The following RYR1 variants were observed in gnomAD, a reference collection of about 807,000 sequenced individuals.
The protein encoded by RYR1 is ryanodine receptor 1.
In RYR1, 342 loss-of-function variants were observed where a neutral mutation model predicts 583.5. The observed-to-expected ratio is 0.59, with a 90% CI of 0.54 to 0.64. The LOEUF is 0.64. Ranked by LOEUF, RYR1 falls within the 30% of genes least tolerant of loss-of-function variation. The pLI is 0.00. For missense variants in RYR1, 6,032 were observed against 6,917.2 expected (o/e 0.87, Z 4.54); for synonymous variants, 2,791 against 2,822.5 (o/e 0.99, Z 0.35).
Position 38,477,687 on chromosome 19 carries a change from A to C in RYR1, c.4294-23A>C, listed in dbSNP as rs774094794. The C allele has an allele frequency of 6.2e-6, 10 of 1,613,894 alleles. No homozygotes were observed. The East Asian group carries it at 2.2e-4, about 36-fold the overall frequency. The stretch of plus-strand genomic sequence containing the variant: ...GTCCCTGACTTCCAGACTGACCACT[A>C]GTTCCCCTCCTTGTGTCACCAGTAC... On this transcript the variant is annotated intron_variant, in intron 29 of 105. Transcript: ENST00000359596.
chr19:38,504,539 G>T (rs1970351939), intron 50 of RYR1, among the ~76,000 whole-genome samples, 179 bp downstream of exon 50: 2 of 152,086 alleles, frequency 1.3e-5, no homozygotes, highest in African/African-American at 4.8e-5. Flanking sequence ...AGAGGGGGTG[G>T]ACCTCTAGTT....
intron 89 of RYR1, among the ~76,000 whole-genome samples, chr19:38,551,025 C>CTTTTTTTTT (rs71165560): frequency 1.5e-4 from 6 of 41,358 alleles, no homozygotes; most frequent in Admixed American, 3.7e-4. Flanking sequence ...GGATTCACGG[C>CTTTTTTTTT]TTTTTTTTTT....
At chr19:38,435,677 A>G (rs1972394904) in intron 1 of RYR1, among the ~76,000 whole-genome samples, 1 of 151,982 alleles carries the variant, frequency 6.6e-6, no homozygotes, top group African/African-American at 2.4e-5. Context: ...CAGAGGTTGC[A>G]GTGAGCCGAG....
chr19:38,570,982 C>G (rs749348914), intron 94 of RYR1, among the ~76,000 whole-genome samples: 1 of 152,244 alleles, frequency 6.6e-6, no homozygotes, highest in African/African-American at 2.4e-5. Flanking sequence ...GTCCTGTGCG[C>G]CTGGGTGCAG....
chr19:38,559,211 T>C (rs1599621053), intron 89 of RYR1, among the ~76,000 whole-genome samples: 1 of 149,480 alleles, frequency 6.7e-6, no homozygotes, highest in East Asian at 2.0e-4. Context: ...CCCAGGCGCC[T>C]GTGGAGAGGT....
Position 38,494,853 on chromosome 19 carries a change from C to CTT in RYR1, c.6548+242_6548+243dup, listed in dbSNP as rs1226486711. On this transcript the variant is annotated intron_variant, in intron 39 of 105. Coordinates refer to ENST00000359596, the MANE Select transcript of RYR1 (RefSeq NM_000540.3). ...TCAGCAGGACATTCCCCACCCCCCC[C>CTT]TTTTTTTTTTTTTTTGTGAGACTGA... Among the ~76,000 whole-genome samples, 488 of 127,364 alleles carry CTT rather than the reference C, an allele frequency of 3.8e-3. 2 individuals carry two copies. The highest frequency in any genetic ancestry group is 0.011 in the African/African-American group (345 of 32,676). 83.6% of individuals were successfully genotyped at this position (127,364 alleles called of 152,430 possible).
At chr19:38,531,803 G>A (rs548352561) in intron 76 of RYR1, among the ~76,000 whole-genome samples, 1 of 152,316 alleles carries the variant, frequency 6.6e-6, no homozygotes, top group Admixed American at 6.5e-5. Flanking sequence ...CTACTCAGGA[G>A]GCTGATGTGG....
In RYR1 at chr19:38,499,367, C is replaced by T. The variant is rs1005621368; in HGVS notation, c.7027+124C>T. 2 of 1,494,566 alleles carry T rather than the reference C, an allele frequency of 1.3e-6. No homozygotes were observed. The highest frequency in any genetic ancestry group is 3.4e-5 in the Admixed American group (2 of 58,622). The allele number at this position is 1,494,566 out of a possible 1,614,324, so 92.6% of individuals were successfully genotyped here. A position where few individuals can be genotyped will look rare whatever the true frequency, so the allele number is the denominator to read the frequency against. On this transcript the variant is annotated intron_variant, in intron 43 of 105. Coordinates refer to ENST00000359596, the MANE Select transcript of RYR1 (RefSeq NM_000540.3). The surrounding 1 kb of genome is among the most constrained non-coding windows in gnomAD (Gnocchi z 7.3). ...CCAGGCAGGAATCCCTTCCAGCAGG[C>T]CTGGGGCTGGCAGGGGCCTGTGTTA...
At chr19:38,452,004 A>C in intron 12 of RYR1, 119 bp downstream of exon 12, 2 of 1,402,914 alleles carry the variant, frequency 1.4e-6, no homozygotes, top group Non-Finnish European at 2.0e-6. Context: ...TAACATATAC[A>C]TGGGCCAAGC....
In RYR1 at chr19:38,489,237, G is replaced by C. The variant is rs1027874000; in HGVS notation, c.5608G>C (p.Val1870Leu). 35 of 1,613,734 alleles carry C rather than the reference G, an allele frequency of 2.2e-5. No individual in the cohort carries two copies. Among genetic ancestry groups the C allele is most frequent in the Admixed American group, 1.0e-4 (6 of 59,984 alleles). Residue 1870 changes from valine (V) to leucine (L), a missense_variant, in exon 35 of 106, where the codon GTC (valine) becomes CTC (leucine). This residue lies in a region of RYR1 where 2,627 missense variants were observed against 2,961.3 expected (regional missense o/e 0.89). Transcript: ENST00000359596. ...KQILKMIEPE[V>L]FTEEEEEEDE... Reference sequence around the variant, plus strand: ...GATCTTGAAGATGATTGAGCCTGAGGTCTTCACTGAGGAAGAAGAGGAGGA... The same window carrying C: ...GATCTTGAAGATGATTGAGCCTGAGCTCTTCACTGAGGAAGAAGAGGAGGA...
chr19:38,511,990 G>C, intron 61 of RYR1, 82 bp from the exon 62 acceptor site: 1 of 1,480,958 alleles, frequency 6.8e-7, no homozygotes, highest in South Asian at 1.2e-5. Context: ...CAGGAAGAGA[G>C]CGGTTGGGGT....
chr19:38,580,393 G>A lies in RYR1; in HGVS notation c.14535G>A (p.Leu4845=). 1 of 1,614,184 alleles carries A rather than the reference G, an allele frequency of 6.2e-7. No individual in the cohort carries two copies. Among genetic ancestry groups the A allele is most frequent in the African/African-American group, 1.3e-5 (1 of 75,062 alleles). ...GKQLVMTVGL[L]AVVVYLYTVV... ...AGCTGGTGATGACCGTGGGCCTTCT[G>A]GCGGTGGTCGTCTACCTGTACACCG... The change falls in exon 101 of 106, where the codon CTG becomes CTA. Residue 4845 remains leucine, a synonymous_variant. Coordinates refer to ENST00000359596, the MANE Select transcript of RYR1 (RefSeq NM_000540.3).
chr19:38,507,973 T>C, intron 58 of RYR1, 146 bp downstream of exon 58: 1 of 656,090 alleles, frequency 1.5e-6, no homozygotes, highest in Non-Finnish European at 2.8e-6. Flanking sequence ...TGCCAGACAC[T>C]GTTCTAGATG....
intron 66 of RYR1, 118 bp from the exon 67 acceptor site, chr19:38,519,096 C>A: frequency 6.5e-7 from 1 of 1,544,734 alleles, no homozygotes; most frequent in Non-Finnish European, 8.9e-7. Flanking sequence ...TAGGGTCAGG[C>A]TGGGGTCAAA....
At position 38,561,317 on chromosome 19, in the gene RYR1, C is replaced by G; in HGVS notation, c.12487C>G (p.Leu4163Val). The G allele has an allele frequency of 6.2e-7, 1 of 1,614,072 alleles. No homozygotes were observed. Among genetic ancestry groups the G allele is most frequent in the Middle Eastern group, 1.6e-4 (1 of 6,062 alleles). Residue 4163 changes from leucine (L) to valine (V), a missense_variant, in exon 90 of 106, where the codon CTG becomes GTG. By Grantham distance (32) the Leu-to-Val change is conservative. Transcript: ENST00000359596. The surrounding 1 kb of genome is among the most constrained non-coding windows in gnomAD (Gnocchi z 4.8). ...VPHDPRLHNFLELAESILEYF... is the reference protein window; with the variant it reads ...VPHDPRLHNFVELAESILEYF... ...GCATGACCCTCGCCTGCACAACTTC[C>G]TGGAGCTGGCCGAGAGCATCCTTGA...
In RYR1 at chr19:38,515,089, A is replaced by T; in HGVS notation, c.9536A>T (p.Lys3179Met). The change falls in exon 64 of 106, where the codon AAG becomes ATG. Residue 3179 changes from lysine (K) to methionine (M), a missense_variant. Lys to Met is a moderately conservative substitution (Grantham distance 95, BLOSUM62 -1). Coordinates refer to ENST00000359596, the MANE Select transcript of RYR1 (RefSeq NM_000540.3). ...AGTATCTACTCCCTGGGAACCACCA[A>T]GAACACTTATGTGGAAAAGTAAGGA... ...LCSIYSLGTTKNTYVEKLRPA... is the reference protein window; with the variant it reads ...LCSIYSLGTTMNTYVEKLRPA... 6.2e-7 allele frequency: 1 copy of T among 1,611,434 alleles called. No homozygotes were observed. The highest frequency in any genetic ancestry group is 8.5e-7 in the Non-Finnish European group (1 of 1,178,522).
intron 76 of RYR1, among the ~76,000 whole-genome samples, chr19:38,529,902 G>C (rs1246819453): frequency 6.6e-6 from 1 of 152,220 alleles, no homozygotes; most frequent in Non-Finnish European, 1.5e-5. Context: ...CCGCCACACT[G>C]TGAGACGGAT....
intron 67 of RYR1, among the ~76,000 whole-genome samples, chr19:38,521,060 A>G (rs1971207241): frequency 6.6e-6 from 1 of 152,062 alleles, no homozygotes; most frequent in Non-Finnish European, 1.5e-5. Flanking sequence ...GGATCACTTG[A>G]GCTCAGGAAT....
rs1260173873 is a variant in RYR1, at chr19:38,467,514, T to G, written c.3179-96T>G. The G allele has an allele frequency of 1.6e-5, 21 of 1,315,948 alleles. No homozygotes were observed. In the East Asian group the frequency reaches 4.1e-4, roughly 26 times the overall value. 81.5% of individuals were successfully genotyped at this position (1,315,948 alleles called of 1,614,324 possible). The stretch of plus-strand genomic sequence containing the variant: ...CTCTTCCAACAGTTCCCCAAAGCCC[T>G]TACTGTCCCCCAAAGCCTGTCTTCT... On this transcript the variant is annotated intron_variant, in intron 24 of 105. Coordinates refer to ENST00000359596, the MANE Select transcript of RYR1 (RefSeq NM_000540.3).
Sources: gnomAD v4.1 joint callset for allele counts (sites outside exome capture counted in the v4.1 genomes callset) on GRCh38, gnomAD v4.1.1 for gene constraint, gnomAD v4.1.1 regional missense constraint, Gnocchi (gnomAD v3.1) non-coding constraint, MANE v1.5 for transcripts, NCBI Gene and HGNC (gene_info 2026-07-23, HGNC 2026-07-21) for gene names.